The following RAB8A variants were observed in gnomAD, a reference collection of about 807,000 sequenced individuals.
The protein encoded by RAB8A is ras-related protein Rab-8A.
Under a neutral mutation model 29.2 loss-of-function variants are expected in RAB8A, and 5 were observed. The observed-to-expected ratio is 0.17, with a 90% confidence interval of 0.09 to 0.36. The LOEUF (loss-of-function observed/expected upper bound fraction) is 0.36. Ranked by LOEUF, RAB8A falls within the 10% of genes least tolerant of loss-of-function variation. The pLI, the probability that RAB8A is intolerant of heterozygous loss-of-function variation, is 1.00. For synonymous variants in RAB8A, 108 were observed against 99.9 expected (o/e 1.08, Z -0.49); for missense variants, 171 against 272.2 (o/e 0.63, Z 2.62).
chr19:16,126,039 G>A (rs1283276423), intron 4 of RAB8A: 2 of 207,332 alleles, frequency 9.6e-6, no homozygotes, highest in Non-Finnish European at 2.1e-5. Context: ...CCCAAAGCCA[G>A]CATCTTCATC....
chr19:16,132,780 A>T lies in RAB8A; in HGVS notation c.*476A>T, dbSNP rs3745314. On this transcript the variant is annotated 3_prime_UTR_variant, in exon 8 of 8. Coordinates refer to ENST00000300935, the MANE Select transcript of RAB8A (RefSeq NM_005370.5). This position sits in a 1 kb window ranked among gnomAD's most constrained non-coding sequence, Gnocchi z 5.6. ...CTGAGCAAGGCAACCGATCGCCAGGACCAGGAAGCATCACCCAGGAGATTT... is the reference window on the plus strand; with the variant it reads ...CTGAGCAAGGCAACCGATCGCCAGGTCCAGGAAGCATCACCCAGGAGATTT... 1 of 158,624 alleles carries T rather than the reference A, an allele frequency of 6.3e-6. No homozygotes were observed. Among genetic ancestry groups the T allele is most frequent in the Non-Finnish European group, 1.4e-5 (1 of 71,776 alleles). The allele number at this position is 158,624 out of a possible 1,614,324, so 9.8% of individuals were successfully genotyped here. A position where few individuals can be genotyped will look rare whatever the true frequency, so the allele number is the denominator to read the frequency against.
intron 2 of RAB8A, among the ~76,000 whole-genome samples, chr19:16,121,420 C>T (rs764840692): frequency 3.7e-4 from 56 of 152,194 alleles, no homozygotes; most frequent in Non-Finnish European, 7.6e-4. Flanking sequence ...CCACCCTCAA[C>T]AGCAAGAGCT....
At chr19:16,123,467 C>T (rs1208448085) in intron 3 of RAB8A, among the ~76,000 whole-genome samples, 4 of 152,052 alleles carry the variant, frequency 2.6e-5, no homozygotes, top group Admixed American at 1.3e-4. Flanking sequence ...ATTAGCTGGG[C>T]GTGGTGGCGG....
chr19:16,124,494 C>G (rs1461500276), intron 3 of RAB8A: 1 of 152,366 alleles, frequency 6.6e-6, no homozygotes, highest in Non-Finnish European at 1.5e-5. Flanking sequence ...AAATCCAGGC[C>G]TGGCCATGAG....
At chr19:16,128,995 G>A (rs1236688155) in intron 6 of RAB8A, among the ~76,000 whole-genome samples, 1 of 152,158 alleles carries the variant, frequency 6.6e-6, no homozygotes, top group East Asian at 1.9e-4. Flanking sequence ...CTCAACCCTT[G>A]GCTGTGCTGG....
intron 3 of RAB8A, chr19:16,124,805 A>G (rs1207416528): frequency 2.1e-5 from 3 of 144,826 alleles, no homozygotes; most frequent in African/African-American, 7.9e-5. Flanking sequence ...GCTTGTCCAC[A>G]GCAGTAGCGA....
At position 16,121,817 on chromosome 19, in the gene RAB8A, A is replaced by G. The variant is rs367632653; in HGVS notation, c.246+7A>G. ...CTACTACAGGGGTGCAATGGTAGGG[A>G]CTTTTTGTTTGGTTGTTTTTATCTG... is the stretch of plus-strand genomic sequence containing the variant. On this transcript the variant is annotated splice_region_variant and intron_variant, in intron 3 of 7. Coordinates refer to ENST00000300935, the MANE Select transcript of RAB8A (RefSeq NM_005370.5). 3 of 1,612,062 alleles carry G rather than the reference A, an allele frequency of 1.9e-6. No homozygotes were observed. Among genetic ancestry groups the G allele is most frequent in the Non-Finnish European group, 2.5e-6 (3 of 1,178,498 alleles).
chr19:16,121,857 A>G lies in RAB8A; in HGVS notation c.246+47A>G, dbSNP rs759523847. ...GTTTTTATCTGCTTTTTAAGTCAACATGGGAGCGTCACTGTGCATTGGTTA... is the reference window on the plus strand; with the variant it reads ...GTTTTTATCTGCTTTTTAAGTCAACGTGGGAGCGTCACTGTGCATTGGTTA... On this transcript the variant is annotated intron_variant, in intron 3 of 7. Coordinates refer to ENST00000300935, the MANE Select transcript of RAB8A (RefSeq NM_005370.5). 3.6e-5 allele frequency: 55 copies of G among 1,545,880 alleles called. No individual in the cohort carries two copies. In the Admixed American group the frequency reaches 8.4e-4, roughly 24 times the overall value.
intron 6 of RAB8A, among the ~76,000 whole-genome samples, chr19:16,128,816 G>A (rs560764907): frequency 6.6e-6 from 1 of 152,282 alleles, no homozygotes; most frequent in African/African-American, 2.4e-5. Context: ...TTTCTAGTCA[G>A]GGCCTGGCCC....
intron 1 of RAB8A, among the ~76,000 whole-genome samples, chr19:16,113,617 G>T (rs1019976164): frequency 6.6e-6 from 1 of 152,152 alleles, no homozygotes; most frequent in Non-Finnish European, 1.5e-5. Context: ...GGTCAGGCTG[G>T]TCTCGAACTC....
intron 7 of RAB8A, among the ~76,000 whole-genome samples, chr19:16,130,741 C>T (rs1438532273): frequency 6.6e-6 from 1 of 152,258 alleles, no homozygotes; most frequent in Non-Finnish European, 1.5e-5. Context: ...GCCTTCAACT[C>T]CTGGGCTCAA....
chr19:16,132,251 A>G lies in RAB8A; in HGVS notation c.571A>G (p.Ile191Val), dbSNP rs770935465. The G allele has an allele frequency of 1.2e-6, 2 of 1,614,122 alleles. No individual in the cohort carries two copies. The highest frequency in any genetic ancestry group is 1.7e-5 in the Admixed American group (1 of 60,018). Residue 191 changes from isoleucine to valine, a missense_variant, in exon 8 of 8, where the codon ATC becomes GTC. Physicochemically the swap from Ile to Val is conservative, Grantham distance 29. This residue lies in a region of RAB8A where 145 missense variants were observed against 212.8 expected (regional missense o/e 0.68). Coordinates refer to ENST00000300935, the MANE Select transcript of RAB8A (RefSeq NM_005370.5). The surrounding 1 kb of genome is among the most constrained non-coding windows in gnomAD (Gnocchi z 5.6). ...CCAGGGGAGCAACCAGGGAGTCAAA[A>G]TCACACCGGACCAGCAGAAGAGGAG... ...SPQGSNQGVK[I>V]TPDQQKRSSF...
At chr19:16,112,346 CT>C (rs2090828368) in intron 1 of RAB8A, 3 of 302,490 alleles carry the variant, frequency 9.9e-6, no homozygotes, top group Non-Finnish European at 6.3e-6. Flanking sequence ...CGAAGCGGTT[CT>C]TTTGAGGCTC....
intron 1 of RAB8A, chr19:16,112,374 G>A (rs977251987): frequency 7.5e-6 from 2 of 265,128 alleles, no homozygotes; most frequent in African/African-American, 2.2e-5. Flanking sequence ...TACAGAAGTG[G>A]AAACTGAGTC....
chr19:16,120,511 A>G (rs2144988379), intron 2 of RAB8A, among the ~76,000 whole-genome samples: 1 of 150,950 alleles, frequency 6.6e-6, no homozygotes, highest in Admixed American at 6.6e-5. Flanking sequence ...GGGTTTCACC[A>G]TGTTGGTCAG....
chr19:16,121,454 C>G (rs1449964871), intron 2 of RAB8A, among the ~76,000 whole-genome samples: 1 of 152,172 alleles, frequency 6.6e-6, no homozygotes, highest in Non-Finnish European at 1.5e-5. Context: ...ACATGACTGG[C>G]TCTTCTGTGA....
intron 7 of RAB8A, among the ~76,000 whole-genome samples, chr19:16,131,701 T>C (rs1190910060): frequency 6.8e-6 from 1 of 146,234 alleles, no homozygotes. Flanking sequence ...TGGAAGAAGA[T>C]GGATGGTTGG....
At chr19:16,117,350 A>T (rs535064454) in intron 1 of RAB8A, among the ~76,000 whole-genome samples, 1 of 151,974 alleles carries the variant, frequency 6.6e-6, no homozygotes, top group African/African-American at 2.4e-5. Flanking sequence ...TTGGCCGGGC[A>T]TTGTGGCAGG....
intron 2 of RAB8A, among the ~76,000 whole-genome samples, chr19:16,119,041 G>A (rs1285918185): frequency 6.6e-6 from 1 of 152,130 alleles, no homozygotes; most frequent in Non-Finnish European, 1.5e-5. Context: ...CAATTTCCCT[G>A]TCACCCAAAC....
Sources: allele counts gnomAD v4.1 joint callset (sites outside exome capture counted in the v4.1 genomes callset), GRCh38; gene constraint gnomAD v4.1.1; regional missense constraint gnomAD v4.1.1; non-coding constraint Gnocchi (gnomAD v3.1); transcripts MANE v1.5; gene names NCBI Gene and HGNC (gene_info 2026-07-23, HGNC 2026-07-21).